PLCE1: variants seen among roughly 807,000 people sequenced by gnomAD.
PLCE1 encodes 1-phosphatidylinositol 4,5-bisphosphate phosphodiesterase epsilon-1.
A neutral mutation model predicts 242.8 loss-of-function variants in PLCE1; 119 were observed. The ratio of observed to expected loss-of-function variants is 0.49; its 90% CI spans 0.42 to 0.57. The LOEUF (loss-of-function observed/expected upper bound fraction) is 0.57, where lower values mean the gene tolerates loss of function less well. Ranked by LOEUF, PLCE1 falls within the 20% of genes least tolerant of loss-of-function variation. The probability of loss-of-function intolerance (pLI) is 0.00; values close to 1 mark genes in which losing one functional copy is unlikely to be tolerated. For missense variants in PLCE1, 2,441 were observed against 2,788.8 expected (o/e 0.88, Z 2.81); for synonymous variants, 945 against 1,017.4 (o/e 0.93, Z 1.35).
chr10:94,082,213 C>T (rs561903929), intron 2 of PLCE1: 1 of 152,204 alleles, frequency 6.6e-6, no homozygotes, highest in South Asian at 2.1e-4. Flanking sequence ...CGACCTAAAA[C>T]AAGGTGAAAT....
intron 2 of PLCE1, among the ~76,000 whole-genome samples, chr10:94,058,659 A>G (rs2043968477): frequency 6.6e-6 from 1 of 152,156 alleles, no homozygotes; most frequent in Non-Finnish European, 1.5e-5. Flanking sequence ...TAAGAGCTCA[A>G]AGTCCTGGGT....
At chr10:94,198,217 TC>T (rs1029256552) in intron 4 of PLCE1, among the ~76,000 whole-genome samples, 12 of 152,146 alleles carry the variant, frequency 7.9e-5, no homozygotes, top group African/African-American at 2.9e-4. Flanking sequence ...CACTTAGGGT[TC>T]CCACTCTGGT....
intron 1 of PLCE1, among the ~76,000 whole-genome samples, chr10:94,018,854 T>C (rs2061327023): frequency 6.6e-6 from 1 of 152,170 alleles, no homozygotes; most frequent in South Asian, 2.1e-4. Context: ...CTTCCTGCAC[T>C]GGATAAGATA....
At chr10:94,117,689 T>G (rs886082792) in intron 2 of PLCE1, among the ~76,000 whole-genome samples, 8 of 152,106 alleles carry the variant, frequency 5.3e-5, no homozygotes, top group African/African-American at 1.9e-4. Flanking sequence ...TCCCAGTGGG[T>G]TGGTTAGGCT....
rs7079705 is a variant in PLCE1, at chr10:94,282,958, C to G, written c.4796-832C>G. ...ATACAAATGTAATGAAATGATTTAT[C>G]TCATTTACTTCTTGTCAGCCTGCAT... is the stretch of plus-strand genomic sequence containing the variant. On this transcript the variant is annotated intron_variant, in intron 20 of 32. Coordinates refer to ENST00000371380, the MANE Select transcript of PLCE1 (RefSeq NM_016341.4). Among the ~76,000 whole-genome samples, 1,286 of 152,186 alleles carry G rather than the reference C, an allele frequency of 8.5e-3. 27 individuals are homozygous for G. Among genetic ancestry groups the G allele is most frequent in the African/African-American group, 0.029 (1,199 of 41,512 alleles).
At chr10:94,193,949 T>A (rs1016343291) in intron 4 of PLCE1, among the ~76,000 whole-genome samples, 3 of 152,192 alleles carry the variant, frequency 2.0e-5, no homozygotes, top group African/African-American at 7.2e-5. Context: ...AGAATGAAAT[T>A]GTCTTTTTTT....
At chr10:94,160,184 G>A (rs2047563463) in intron 3 of PLCE1, among the ~76,000 whole-genome samples, 1 of 152,128 alleles carries the variant, frequency 6.6e-6, no homozygotes, top group Non-Finnish European at 1.5e-5. Context: ...GATCCCTGAG[G>A]AATCGCCACA....
intron 1 of PLCE1, among the ~76,000 whole-genome samples, chr10:94,009,551 G>A (rs1444888207): frequency 6.6e-6 from 1 of 152,114 alleles, no homozygotes; most frequent in Non-Finnish European, 1.5e-5. Context: ...CCACCATCAA[G>A]TACCAATTCC....
chr10:94,082,682 A>G (rs2044688090), intron 2 of PLCE1, among the ~76,000 whole-genome samples: 1 of 152,242 alleles, frequency 6.6e-6, no homozygotes, highest in African/African-American at 2.4e-5. Flanking sequence ...AATTTCTGTC[A>G]ATGAAAGCCA....
intron 4 of PLCE1, among the ~76,000 whole-genome samples, chr10:94,179,609 G>A (rs111985626): frequency 0.089 from 12,622 of 142,168 alleles, 996 homozygotes; most frequent in African/African-American, 0.22. Context: ...AGGCTCAAGC[G>A]ATCCTCCCAC....
intron 4 of PLCE1, among the ~76,000 whole-genome samples, chr10:94,218,952 TTAAA>T (rs2049626349): frequency 6.8e-6 from 1 of 147,450 alleles, no homozygotes; most frequent in Non-Finnish European, 1.5e-5. Context: ...TATTATATAA[TTAAA>T]TATAATTAAA....
intron 4 of PLCE1, among the ~76,000 whole-genome samples, chr10:94,173,140 C>T (rs1357113405): frequency 2.0e-5 from 3 of 152,138 alleles, no homozygotes; most frequent in African/African-American, 4.8e-5. Context: ...AAGTTATTTT[C>T]CCAAGATTAC....
intron 1 of PLCE1, among the ~76,000 whole-genome samples, chr10:94,022,155 TA>T (rs1005706034): frequency 1.4e-4 from 21 of 151,950 alleles, no homozygotes; most frequent in Admixed American, 5.2e-4. Flanking sequence ...CTAAGTCACC[TA>T]AAAAATATTT....
chr10:94,242,930 G>A (rs867675549), intron 7 of PLCE1, among the ~76,000 whole-genome samples: 22 of 152,290 alleles, frequency 1.4e-4, no homozygotes, highest in African/African-American at 4.8e-4. Flanking sequence ...ACAAATGGGG[G>A]AGAAGAGATC....
chr10:94,220,406 A>C (rs1453046722), intron 4 of PLCE1, among the ~76,000 whole-genome samples: 3 of 133,354 alleles, frequency 2.2e-5, no homozygotes, highest in Non-Finnish European at 4.8e-5. Context: ...ATATATATAT[A>C]TATATATATA....
At chr10:94,045,182 T>C (rs1407885408) in intron 2 of PLCE1, among the ~76,000 whole-genome samples, 1 of 152,036 alleles carries the variant, frequency 6.6e-6, no homozygotes, top group Non-Finnish European at 1.5e-5. Context: ...AAAAATTTTT[T>C]TTGTAGAGAC....
chr10:94,196,600 T>C (rs2048830303), intron 4 of PLCE1, among the ~76,000 whole-genome samples: 1 of 152,072 alleles, frequency 6.6e-6, no homozygotes, highest in African/African-American at 2.4e-5. Context: ...AGCCTGGGCT[T>C]TGCTGACCCA....
intron 7 of PLCE1, among the ~76,000 whole-genome samples, chr10:94,244,651 G>T (rs1029349128): frequency 6.6e-6 from 1 of 152,160 alleles, no homozygotes; most frequent in African/African-American, 2.4e-5. Context: ...GAACTGTTAT[G>T]CTTTTCTGGC....
intron 4 of PLCE1, among the ~76,000 whole-genome samples, chr10:94,181,956 C>T (rs941396538): frequency 6.6e-6 from 1 of 152,120 alleles, no homozygotes. Context: ...CATAACTTCA[C>T]GAGATAACGC....
Sources: allele counts gnomAD v4.1 joint callset (sites outside exome capture counted in the v4.1 genomes callset), GRCh38; gene constraint gnomAD v4.1.1; transcripts MANE v1.5; gene names NCBI Gene and HGNC (gene_info 2026-07-23, HGNC 2026-07-21).